AKAP6: variants seen among roughly 807,000 people sequenced by gnomAD.
The protein encoded by AKAP6 is A-kinase anchoring protein 6.
A neutral mutation model predicts 188.5 loss-of-function variants in AKAP6; 58 were observed. The observed-to-expected ratio is 0.31, with a 90% CI of 0.25 to 0.38. AKAP6 has a LOEUF of 0.38. Among genes scored for constraint, AKAP6 ranks in the 10% least tolerant of loss-of-function variants. The probability of loss-of-function intolerance (pLI) is 1.00; values close to 1 mark genes in which losing one functional copy is unlikely to be tolerated. For synonymous variants in AKAP6, 989 were observed against 998.6 expected, an observed-to-expected ratio of 0.99 and a Z score of 0.18; for missense variants, 2,710 against 2,740.0, an observed-to-expected ratio of 0.99 and a Z score of 0.24.
chr14:32,825,484 G>T (rs533052419), intron 13 of AKAP6, among the ~76,000 whole-genome samples: 1 of 152,284 alleles, frequency 6.6e-6, no homozygotes, highest in Non-Finnish European at 1.5e-5. Context: ...CAAGTTAATG[G>T]CGTTTTGATA....
chr14:32,484,540 G>T, intron 2 of AKAP6: 1 of 205,770 alleles, frequency 4.9e-6, no homozygotes, highest in South Asian at 5.0e-4. Flanking sequence ...CGGGGGCACC[G>T]ATTTTTAGGG....
chr14:32,457,662 T>A (rs985289772), intron 2 of AKAP6, among the ~76,000 whole-genome samples: 2 of 152,180 alleles, frequency 1.3e-5, no homozygotes, highest in Non-Finnish European at 2.9e-5. Flanking sequence ...GACATCCTGA[T>A]AGAGTTCAGG....
At chr14:32,660,612 C>T (rs960457275) in intron 7 of AKAP6, among the ~76,000 whole-genome samples, 5 of 152,116 alleles carry the variant, frequency 3.3e-5, no homozygotes, top group Middle Eastern at 3.4e-3. Context: ...TTTGTTTCCC[C>T]CCAGGTTCTA....
rs759899331 is a variant in AKAP6 at position 32,546,843 on chromosome 14, C to T, written c.2190C>T (p.Leu730=). 1.1e-5 allele frequency: 18 copies of T among 1,613,832 alleles called. No individual in the cohort carries two copies. The South Asian group carries it at 1.4e-4, about 13-fold the overall frequency. ...ILSDEESSMP[L]AGMKKYADEK... ...CTGATGAGGAGTCCAGTATGCCTCT[C>T]GCTGGCATGAAAAAGTATGCTGATG... Residue 730 remains leucine (L), a synonymous_variant, in exon 4 of 14, where the codon CTC becomes CTT. Transcript: ENST00000280979.
intron 7 of AKAP6, among the ~76,000 whole-genome samples, chr14:32,659,336 C>G (rs1888589156): frequency 6.6e-6 from 1 of 152,066 alleles, no homozygotes; most frequent in Admixed American, 6.6e-5. Context: ...TTTGTGCTGT[C>G]AGGGATGATG....
chr14:32,784,771 G>A (rs979023726), intron 12 of AKAP6, among the ~76,000 whole-genome samples: 37 of 152,272 alleles, frequency 2.4e-4, no homozygotes, highest in African/African-American at 2.6e-4. Flanking sequence ...GCCAGTAGGC[G>A]GAGAAAGGTG....
At chr14:32,697,185 C>T (rs1231074249) in intron 9 of AKAP6, among the ~76,000 whole-genome samples, 1 of 152,130 alleles carries the variant, frequency 6.6e-6, no homozygotes, top group African/African-American at 2.4e-5. Context: ...ACTTTTACCT[C>T]CTCTAAAGAG....
chr14:32,659,516 A>G (rs1192875573), intron 7 of AKAP6, among the ~76,000 whole-genome samples: 1 of 152,102 alleles, frequency 6.6e-6, no homozygotes, highest in Non-Finnish European at 1.5e-5. Flanking sequence ...TGACAGCTCA[A>G]ATCTTAAAAT....
At chr14:32,558,501 A>C (rs1231503719) in intron 4 of AKAP6, among the ~76,000 whole-genome samples, 1 of 152,228 alleles carries the variant, frequency 6.6e-6, no homozygotes, top group Non-Finnish European at 1.5e-5. Context: ...AGTAGAATTT[A>C]TATAGCAGAG....
intron 1 of AKAP6, among the ~76,000 whole-genome samples, chr14:32,421,666 G>A (rs1255978759): frequency 2.0e-5 from 3 of 152,188 alleles, no homozygotes; most frequent in African/African-American, 4.8e-5. Context: ...CTAAATCTCT[G>A]CTAATCCTTG....
intron 11 of AKAP6, among the ~76,000 whole-genome samples, chr14:32,757,526 T>C (rs942463159): frequency 1.3e-5 from 2 of 152,226 alleles, no homozygotes; most frequent in South Asian, 2.1e-4. Flanking sequence ...TTGTAAGTAA[T>C]AGAATGTATG....
At chr14:32,724,815 A>C (rs1011125075) in intron 9 of AKAP6, among the ~76,000 whole-genome samples, 3 of 151,928 alleles carry the variant, frequency 2.0e-5, no homozygotes, top group Non-Finnish European at 4.4e-5. Flanking sequence ...TCTTCCTTAA[A>C]TTTCTCTATT....
At chr14:32,577,405 G>T (rs1884776936) in intron 5 of AKAP6, among the ~76,000 whole-genome samples, 163 bp downstream of exon 5, 1 of 152,170 alleles carries the variant, frequency 6.6e-6, no homozygotes, top group Non-Finnish European at 1.5e-5. Context: ...GGCATTTCAA[G>T]TAATACTATG....
intron 2 of AKAP6, among the ~76,000 whole-genome samples, chr14:32,473,557 A>G (rs1878892540): frequency 6.6e-6 from 1 of 152,224 alleles, no homozygotes; most frequent in East Asian, 1.9e-4. Context: ...AGAGCTTGAA[A>G]TGCCAAATTA....
intron 12 of AKAP6, among the ~76,000 whole-genome samples, chr14:32,799,422 C>T (rs1335004717): frequency 6.7e-6 from 1 of 149,704 alleles, no homozygotes; most frequent in African/African-American, 2.5e-5. Context: ...TTAAATTTAT[C>T]TTCGAATATA....
At chr14:32,554,471 T>G (rs1486559444) in intron 4 of AKAP6, among the ~76,000 whole-genome samples, 2 of 152,184 alleles carry the variant, frequency 1.3e-5, no homozygotes, top group Non-Finnish European at 2.9e-5. Context: ...TAAATGCAAA[T>G]GACTTGCTCA....
chr14:32,491,575 C>T (rs996895101), intron 2 of AKAP6, among the ~76,000 whole-genome samples: 5 of 152,170 alleles, frequency 3.3e-5, no homozygotes, highest in Admixed American at 3.3e-4. Flanking sequence ...AACTTCTGTC[C>T]TTGTTCAGGG....
intron 5 of AKAP6, among the ~76,000 whole-genome samples, chr14:32,594,528 TG>T (rs1456313627): frequency 6.6e-6 from 1 of 152,180 alleles, no homozygotes; most frequent in Non-Finnish European, 1.5e-5. Flanking sequence ...AGATATATTT[TG>T]AGGACTGGTA....
chr14:32,637,140 A>G (rs1887531122), intron 7 of AKAP6, among the ~76,000 whole-genome samples: 1 of 152,146 alleles, frequency 6.6e-6, no homozygotes, highest in Non-Finnish European at 1.5e-5. Flanking sequence ...TTGTGTTGGA[A>G]GGATTAAATG....
Sources: gnomAD v4.1 joint callset for allele counts (sites outside exome capture counted in the v4.1 genomes callset) on GRCh38, gnomAD v4.1.1 for gene constraint, MANE v1.5 for transcripts, NCBI Gene and HGNC (gene_info 2026-07-23, HGNC 2026-07-21) for gene names.